Variants in HDX observed in about 807,000 individuals in gnomAD.
The protein encoded by HDX is highly divergent homeobox.
A neutral mutation model predicts 45.2 loss-of-function variants in HDX; 19 were observed. The ratio of observed to expected loss-of-function variants is 0.42; its 90% confidence interval spans 0.29 to 0.62. The LOEUF is 0.62. Among genes scored for constraint, HDX ranks in the 20% least tolerant of loss-of-function variants. The probability of loss-of-function intolerance (pLI) is 0.20; values close to 1 mark genes in which losing one functional copy is unlikely to be tolerated. For synonymous variants in HDX, 188 were observed against 172.8 expected (o/e 1.09, Z -0.69); for missense variants, 532 against 493.9 (o/e 1.08, Z -0.73).
intron 2 of HDX, among the ~76,000 whole-genome samples, chrX:84,477,743 A>G (rs867058949): frequency 8.9e-6 from 1 of 112,148 alleles, no homozygotes; most frequent in African/African-American, 3.2e-5. Flanking sequence ...ATAATCAAAA[A>G]TAGAGTTTTT....
At chrX:84,424,048 T>A (rs200781164) in intron 5 of HDX, among the ~76,000 whole-genome samples, 1 of 111,413 alleles carries the variant, frequency 9.0e-6, no homozygotes, top group Non-Finnish European at 1.9e-5. Context: ...GTGCAGATGA[T>A]ATGATCTTAT....
chrX:84,359,447 G>A (rs140540160), intron 6 of HDX, among the ~76,000 whole-genome samples: 1,665 of 110,630 alleles, frequency 0.015, 32 homozygotes, highest in African/African-American at 0.052. Context: ...GTGGGGTTTG[G>A]TTTTCTGTTC....
intron 6 of HDX, among the ~76,000 whole-genome samples, chrX:84,351,825 G>A (rs750081338): frequency 3.6e-4 from 40 of 111,573 alleles, no homozygotes; most frequent in African/African-American, 1.3e-3. Context: ...TCTACTTAAT[G>A]AGAAGAATAG....
chrX:84,355,394 T>C (rs950683237), intron 6 of HDX, among the ~76,000 whole-genome samples: 3 of 111,322 alleles, frequency 2.7e-5, no homozygotes, highest in Non-Finnish European at 5.6e-5. Context: ...TTCCAACTTA[T>C]TGTCCACATG....
chrX:84,356,644 ATG>A (rs2037492256), intron 6 of HDX, among the ~76,000 whole-genome samples: 1 of 59,876 alleles, frequency 1.7e-5, no homozygotes, highest in Admixed American at 2.8e-4. Flanking sequence ...TTTTTTTGAG[ATG>A]GAGTCTTGCT....
At chrX:84,420,894 A>T (rs945117143) in intron 5 of HDX, among the ~76,000 whole-genome samples, 3 of 111,877 alleles carry the variant, frequency 2.7e-5, no homozygotes, top group Non-Finnish European at 5.7e-5. Context: ...ACAACAAAAA[A>T]CTTTTAACCT....
chrX:84,443,855 G>T (rs2039815560), intron 4 of HDX, among the ~76,000 whole-genome samples: 1 of 111,723 alleles, frequency 9.0e-6, no homozygotes, highest in African/African-American at 3.2e-5. Context: ...TTCCAGTCAG[G>T]TATTTCTTCT....
intron 5 of HDX, among the ~76,000 whole-genome samples, chrX:84,434,028 ATGT>A (rs1340858835): frequency 3.6e-5 from 4 of 111,520 alleles, no homozygotes; most frequent in Non-Finnish European, 7.5e-5. Flanking sequence ...ATGTATGTTG[ATGT>A]TGTATCCTGC....
At position 84,359,907 on chromosome X, in the gene HDX, G is replaced by A. The variant is rs923558186; in HGVS notation, c.1452+1559C>T. Reference sequence around the variant, plus strand: ...TATGACAAAAACATCAAAAGTAATTGCAACAAAAGCAAAAATTGACAAATG... The same window carrying A: ...TATGACAAAAACATCAAAAGTAATTACAACAAAAGCAAAAATTGACAAATG... On this transcript the variant is annotated intron_variant, in intron 6 of 10. Coordinates refer to ENST00000373177, the MANE Select transcript of HDX (RefSeq NM_001177479.2). Among the ~76,000 whole-genome samples the A allele has an allele frequency of 2.7e-5, 3 of 111,867 alleles. No homozygotes were observed. The Admixed American group carries it at 2.9e-4, about 11-fold the overall frequency.
At chrX:84,499,336 G>T (rs747117953) in intron 1 of HDX, among the ~76,000 whole-genome samples, 91 of 111,032 alleles carry the variant, frequency 8.2e-4, no homozygotes, top group South Asian at 1.9e-3. Flanking sequence ...CTTAAAAAAC[G>T]CATGTCACAC....
intron 5 of HDX, among the ~76,000 whole-genome samples, chrX:84,401,731 A>G (rs2038711291): frequency 8.9e-6 from 1 of 112,433 alleles, no homozygotes; most frequent in African/African-American, 3.2e-5. Context: ...AATATAAATT[A>G]TTCTGGTATA....
chrX:84,469,532 G>C lies in HDX; in HGVS notation c.191C>G (p.Ser64Cys). 1 of 1,203,709 alleles carries C rather than the reference G, an allele frequency of 8.3e-7. No individual in the cohort carries two copies. Among genetic ancestry groups the C allele is most frequent in the East Asian group, 3.0e-5 (1 of 33,769 alleles). ...NKRRKMSSKN[S>C]ESGTATTGTS... ...TCCTGTTGTTGCTGTTCCAGATTCA[G>C]AGTTCTTACTACTCATCTTTCTTCT... Residue 64 changes from serine (S) to cysteine (C), a missense_variant, in exon 4 of 11, where the codon TCT becomes TGT. By Grantham distance (112) the Ser-to-Cys change is moderately radical (BLOSUM62 -1). Transcript: ENST00000373177.
chrX:84,387,158 T>C (rs2038338835), intron 5 of HDX, among the ~76,000 whole-genome samples: 1 of 112,222 alleles, frequency 8.9e-6, no homozygotes, highest in African/African-American at 3.2e-5. Context: ...CGAGAGATCT[T>C]GATATTCATT....
At chrX:84,329,298 G>A (rs767485835) in intron 9 of HDX, among the ~76,000 whole-genome samples, 16 of 111,747 alleles carry the variant, frequency 1.4e-4, no homozygotes, top group Non-Finnish European at 3.0e-4. Context: ...CCAAGAGGGG[G>A]GGTTCATTCA....
At chrX:84,401,614 C>T (rs113392120) in intron 5 of HDX, among the ~76,000 whole-genome samples, 28,201 of 110,651 alleles carry the variant, frequency 0.25, 2,675 homozygotes, top group Non-Finnish European at 0.3. Context: ...GGTGGGTTTG[C>T]TAATTAGTTC....
At chrX:84,330,168 A>G (rs2036815975) in intron 9 of HDX, among the ~76,000 whole-genome samples, 1 of 111,275 alleles carries the variant, frequency 9.0e-6, no homozygotes, top group Non-Finnish European at 1.9e-5. Flanking sequence ...CCCTATAAAT[A>G]TACACAACTC....
In HDX at chrX:84,500,261, T is replaced by A. The variant is rs2041090474; in HGVS notation, c.-110+2081A>T. The A allele has an allele frequency of 2.7e-5, 3 of 109,661 alleles. No homozygotes were observed. The South Asian group carries it at 1.2e-3, about 43-fold the overall frequency. The allele number at this position is 109,661 out of a possible 1,213,427, so 9.0% of individuals were successfully genotyped here. A position where few individuals can be genotyped will look rare whatever the true frequency, so the allele number is the denominator to read the frequency against. ...TGAATAAGCTTTCACATGTATACAGTTCTCTCTATAAAAATACTGCTTCAT... is the reference window on the plus strand; with the variant it reads ...TGAATAAGCTTTCACATGTATACAGATCTCTCTATAAAAATACTGCTTCAT... On this transcript the variant is annotated intron_variant, in intron 1 of 10. Coordinates refer to ENST00000373177, the MANE Select transcript of HDX (RefSeq NM_001177479.2).
intron 5 of HDX, among the ~76,000 whole-genome samples, chrX:84,380,775 G>A (rs189417204): frequency 3.6e-5 from 4 of 110,876 alleles, no homozygotes; most frequent in Non-Finnish European, 7.6e-5. Flanking sequence ...ATATTGAACG[G>A]GAAGAAATGA....
chrX:84,382,085 T>C (rs746306661), intron 5 of HDX, among the ~76,000 whole-genome samples: 85 of 111,199 alleles, frequency 7.6e-4, no homozygotes, highest in African/African-American at 2.4e-3. Context: ...CAAACAGACA[T>C]ATGAAAAGGT....
Sources: allele counts gnomAD v4.1 joint callset (sites outside exome capture counted in the v4.1 genomes callset), GRCh38; gene constraint gnomAD v4.1.1; transcripts MANE v1.5; gene names NCBI Gene and HGNC (gene_info 2026-07-23, HGNC 2026-07-21).